DMXL1: variants seen among roughly 807,000 people sequenced by gnomAD.
The protein encoded by DMXL1 is dmX-like protein 1.
Under a neutral mutation model 319.2 loss-of-function variants are expected in DMXL1, and 99 were observed. That is an observed-to-expected ratio of 0.31 (90% CI 0.26 to 0.37). DMXL1 has a LOEUF of 0.37. Among genes scored for constraint, DMXL1 ranks in the 10% least tolerant of loss-of-function variants. The pLI, the probability that DMXL1 is intolerant of heterozygous loss-of-function variation, is 1.00. For synonymous variants in DMXL1, 1,385 were observed against 1,235.2 expected (o/e 1.12, Z -2.54); for missense variants, 3,745 against 3,595.6 (o/e 1.04, Z -1.06).
Position 119,114,448 on chromosome 5 carries a change from A to G in DMXL1, c.498-27A>G, listed in dbSNP as rs201593867. On this transcript the variant is annotated intron_variant, in intron 5 of 43. Coordinates refer to ENST00000539542, the MANE Select transcript of DMXL1 (RefSeq NM_001290321.3). Reference sequence around the variant, plus strand: ...TTTTTCTTTTTAGTTTTCATTGCAAATTATTCCTTATCTGTTTAATTTACA... The same window carrying G: ...TTTTTCTTTTTAGTTTTCATTGCAAGTTATTCCTTATCTGTTTAATTTACA... 16 of 1,505,832 alleles carry G rather than the reference A, an allele frequency of 1.1e-5. No homozygotes were observed. The African/African-American group carries it at 2.1e-4, about 20-fold the overall frequency. 93.3% of individuals were successfully genotyped at this position (1,505,832 alleles called of 1,614,324 possible). A position where few individuals can be genotyped will look rare whatever the true frequency, so the allele number is the denominator to read the frequency against.
At chr5:119,155,835 A>AAC (rs1362845190) in intron 19 of DMXL1, among the ~76,000 whole-genome samples, 1 of 151,890 alleles carries the variant, frequency 6.6e-6, no homozygotes, top group East Asian at 1.9e-4. Context: ...TCAAAAAAAA[A>AAC]AAAAAAAAAC....
At chr5:119,226,087 C>G (rs755994731) in intron 38 of DMXL1, among the ~76,000 whole-genome samples, 2 of 152,092 alleles carry the variant, frequency 1.3e-5, no homozygotes, top group Non-Finnish European at 2.9e-5. Flanking sequence ...ATCCCATAAA[C>G]TTAAAGAGGC....
intron 25 of DMXL1, 38 bp from the exon 26 acceptor site, chr5:119,175,223 A>C: frequency 6.6e-7 from 1 of 1,514,922 alleles, no homozygotes; most frequent in Non-Finnish European, 9.0e-7. Flanking sequence ...GCACTTTAAA[A>C]AGGTTATACT....
At chr5:119,108,816 T>A (rs932345836) in intron 4 of DMXL1, among the ~76,000 whole-genome samples, 1 of 152,134 alleles carries the variant, frequency 6.6e-6, no homozygotes, top group African/African-American at 2.4e-5. Context: ...TTCCTTTTTT[T>A]TTGAGGTGGT....
chr5:119,221,377 T>C (rs1784621973), intron 37 of DMXL1, among the ~76,000 whole-genome samples: 1 of 152,212 alleles, frequency 6.6e-6, no homozygotes, highest in African/African-American at 2.4e-5. Flanking sequence ...ATAGATCAAA[T>C]ATTACCCATG....
intron 9 of DMXL1, among the ~76,000 whole-genome samples, chr5:119,124,194 A>G (rs1430193169): frequency 6.6e-6 from 1 of 152,008 alleles, no homozygotes; most frequent in East Asian, 2.0e-4. Flanking sequence ...AGGCACCTGT[A>G]GTCCCAGCTA....
At chr5:119,218,525 T>C (rs533166046) in intron 35 of DMXL1, among the ~76,000 whole-genome samples, 1 of 152,140 alleles carries the variant, frequency 6.6e-6, no homozygotes, top group East Asian at 1.9e-4. Flanking sequence ...GGCGCGATCT[T>C]GGCTTACTGC....
chr5:119,139,664 C>G (rs772843729), intron 13 of DMXL1, among the ~76,000 whole-genome samples: 2 of 152,154 alleles, frequency 1.3e-5, no homozygotes, highest in Admixed American at 6.5e-5. Context: ...TAGACTCCCA[C>G]ACAATAATAG....
chr5:119,195,155 A>C (rs1307987310), intron 30 of DMXL1, among the ~76,000 whole-genome samples: 1 of 152,198 alleles, frequency 6.6e-6, no homozygotes, highest in Non-Finnish European at 1.5e-5. Context: ...TGGGAACGTA[A>C]AATCGTGCAG....
chr5:119,131,295 G>A (rs149556989), intron 10 of DMXL1, among the ~76,000 whole-genome samples: 1 of 151,908 alleles, frequency 6.6e-6, no homozygotes, highest in Non-Finnish European at 1.5e-5. Context: ...GAGGGGACTG[G>A]GATTTTTGAA....
rs568418246 is a variant in DMXL1, at chr5:119,072,022, G to A, written c.87+366G>A. Reference sequence around the variant, plus strand: ...TCAAATTGTCAAATTTAGGAATAGTGGAGATTGGTTTCATTTTGTATTCTA... The same window carrying A: ...TCAAATTGTCAAATTTAGGAATAGTAGAGATTGGTTTCATTTTGTATTCTA... On this transcript the variant is annotated intron_variant, in intron 1 of 43. Coordinates refer to ENST00000539542, the MANE Select transcript of DMXL1 (RefSeq NM_001290321.3). Among the ~76,000 whole-genome samples, 61 of 152,196 alleles carry A rather than the reference G, an allele frequency of 4.0e-4. 2 individuals carry two copies. The highest frequency in any genetic ancestry group is 3.6e-3 in the Admixed American group (55 of 15,290).
intron 7 of DMXL1, among the ~76,000 whole-genome samples, chr5:119,117,465 G>A (rs1163101307): frequency 1.3e-5 from 2 of 152,150 alleles, no homozygotes; most frequent in African/African-American, 2.4e-5. Flanking sequence ...TGTAGCTATA[G>A]CCAGGACAGG....
At chr5:119,104,259 G>C (rs1014070331) in intron 3 of DMXL1, 1 of 152,098 alleles carries the variant, frequency 6.6e-6, no homozygotes, top group African/African-American at 2.4e-5. Context: ...TATATGTCTT[G>C]TTCTAGAGAG....
chr5:119,122,723 G>A (rs1435061435), intron 9 of DMXL1, among the ~76,000 whole-genome samples: 1 of 151,746 alleles, frequency 6.6e-6, no homozygotes, highest in East Asian at 1.9e-4. Flanking sequence ...GGGCAGAGAC[G>A]CTCCTCACTT....
Position 119,207,813 on chromosome 5 carries a change from C to T in DMXL1, c.7926+917C>T, listed in dbSNP as rs753405773. On this transcript the variant is annotated intron_variant, in intron 34 of 43. Coordinates refer to ENST00000539542, the MANE Select transcript of DMXL1 (RefSeq NM_001290321.3). ...CTAGGATTACAGGCGTGAGCCACCG[C>T]GCCTGGCCAATTCAACTACGACTTT... is the stretch of plus-strand genomic sequence containing the variant. Among the ~76,000 whole-genome samples the T allele has an allele frequency of 3.6e-4, 55 of 152,188 alleles. No individual in the cohort carries two copies. In the Middle Eastern group the frequency reaches 0.01, roughly 28 times the overall value.
intron 32 of DMXL1, among the ~76,000 whole-genome samples, chr5:119,198,657 G>A (rs887934692): frequency 1.3e-5 from 2 of 152,148 alleles, no homozygotes; most frequent in African/African-American, 4.8e-5. Context: ...GGAACCAGTA[G>A]AGAGCTGGAA....
chr5:119,192,859 A>G (rs763114037), intron 29 of DMXL1, among the ~76,000 whole-genome samples: 19 of 152,084 alleles, frequency 1.2e-4, no homozygotes, highest in Non-Finnish European at 1.9e-4. Context: ...TCTCATACCC[A>G]GTCTTTCCAT....
chr5:119,074,911 A>G (rs1034710298), intron 1 of DMXL1, among the ~76,000 whole-genome samples: 1 of 152,210 alleles, frequency 6.6e-6, no homozygotes, highest in African/African-American at 2.4e-5. Context: ...TCCATTAGCA[A>G]GTTATACTCT....
At chr5:119,147,706 T>C (rs1768888329) in intron 17 of DMXL1, 1 of 395,140 alleles carries the variant, frequency 2.5e-6, no homozygotes, top group South Asian at 5.3e-5. Context: ...TTCTTTGTCT[T>C]TTTGGGAAGA....
Sources: allele counts gnomAD v4.1 joint callset (sites outside exome capture counted in the v4.1 genomes callset), GRCh38; gene constraint gnomAD v4.1.1; transcripts MANE v1.5; gene names NCBI Gene and HGNC (gene_info 2026-07-23, HGNC 2026-07-21).